Variants in SMOC2 observed in about 807,000 individuals in gnomAD.
SMOC2 encodes the protein SPARC-related modular calcium-binding protein 2.
In SMOC2, 39 loss-of-function variants were observed where a neutral mutation model predicts 61.4. The observed-to-expected ratio is 0.64, with a 90% CI of 0.49 to 0.83. The LOEUF is 0.83. Ranked by LOEUF, SMOC2 falls within the 40% of genes least tolerant of loss-of-function variation. SMOC2 has a pLI of 0.00. For synonymous variants in SMOC2, 247 were observed against 239.9 expected (o/e 1.03, Z -0.27); for missense variants, 556 against 592.9 (o/e 0.94, Z 0.65).
chr6:168,651,064 C>G (rs145217759), intron 10 of SMOC2, among the ~76,000 whole-genome samples: 4 of 152,202 alleles, frequency 2.6e-5, no homozygotes, highest in Non-Finnish European at 5.9e-5. Context: ...TGGTGCGGAG[C>G]AGGGCAGGGG....
In SMOC2 at chr6:168,475,226, G is replaced by A. The variant is rs1002959904; in HGVS notation, c.84+33772G>A. Reference sequence around the variant, plus strand: ...GCTCGTTGGCCTCACCCTTGCTTTGGAGAAGCTAAACTTTGAAGTGTGTGG... The same window carrying A: ...GCTCGTTGGCCTCACCCTTGCTTTGAAGAAGCTAAACTTTGAAGTGTGTGG... On this transcript the variant is annotated intron_variant, in intron 1 of 12. Transcript: ENST00000356284. The surrounding 1 kb of genome is among the most constrained non-coding windows in gnomAD (Gnocchi z 4.6). 1.3e-5 allele frequency among the ~76,000 whole-genome samples: 2 copies of A among 152,076 alleles called. No individual in the cohort carries two copies. The highest frequency in any genetic ancestry group is 2.4e-5 in the African/African-American group (1 of 41,428).
chr6:168,601,282 G>A (rs1244911381), intron 8 of SMOC2, among the ~76,000 whole-genome samples: 2 of 152,310 alleles, frequency 1.3e-5, no homozygotes, highest in South Asian at 4.1e-4. Flanking sequence ...ACGCTGGAGC[G>A]TGAGTGCTGC....
At chr6:168,625,667 G>A (rs963991253) in intron 9 of SMOC2, among the ~76,000 whole-genome samples, 10 of 152,132 alleles carry the variant, frequency 6.6e-5, no homozygotes, top group Middle Eastern at 3.2e-3. Flanking sequence ...ACGATTCTTC[G>A]AGGGCGTATA....
intron 12 of SMOC2, chr6:168,664,660 G>A (rs959768186): frequency 1.3e-5 from 6 of 465,130 alleles, no homozygotes; most frequent in South Asian, 9.4e-5. Flanking sequence ...GGCTCCAAAA[G>A]GGGCTTTCGG....
At chr6:168,518,984 C>G (rs999746601) in intron 2 of SMOC2, among the ~76,000 whole-genome samples, 1 of 143,298 alleles carries the variant, frequency 7.0e-6, no homozygotes, top group East Asian at 2.2e-4. Flanking sequence ...TGTATGCATG[C>G]GTGTGTATGC....
intron 1 of SMOC2, among the ~76,000 whole-genome samples, chr6:168,480,388 T>G (rs79229952): frequency 0.065 from 9,819 of 151,952 alleles, 385 homozygotes; most frequent in Non-Finnish European, 0.093. Context: ...GAAAATAATA[T>G]ATGAACAAAA....
chr6:168,584,726 C>T (rs1455819899), intron 7 of SMOC2, among the ~76,000 whole-genome samples: 1 of 152,122 alleles, frequency 6.6e-6, no homozygotes, highest in East Asian at 1.9e-4. Flanking sequence ...ACTAGGAGCA[C>T]TTTTTCAGGC....
chr6:168,510,065 G>C lies in SMOC2; in HGVS notation c.235G>C (p.Ala79Pro). The C allele has an allele frequency of 6.2e-7, 1 of 1,614,086 alleles. No individual in the cohort carries two copies. Among genetic ancestry groups the C allele is most frequent in the Non-Finnish European group, 8.5e-7 (1 of 1,179,946 alleles). The change falls in exon 2 of 13, where the codon GCA (alanine) becomes CCA (proline). Residue 79 changes from alanine (A) to proline (P), a missense_variant. Coordinates refer to ENST00000356284, the MANE Select transcript of SMOC2 (RefSeq NM_001166412.2). Reference sequence around the variant, plus strand: ...GTGCAAAGATCCCCAGCTAGAGATTGCATATCGAGGAAACTGCAAAGGTAA... The same window carrying C: ...GTGCAAAGATCCCCAGCTAGAGATTCCATATCGAGGAAACTGCAAAGGTAA... ...AKCKDPQLEI[A>P]YRGNCKDVSR...
At chr6:168,662,116 G>A (rs559312432) in intron 11 of SMOC2, among the ~76,000 whole-genome samples, 2 of 152,270 alleles carry the variant, frequency 1.3e-5, no homozygotes, top group South Asian at 4.1e-4. Context: ...AGGAATATGG[G>A]ATGAAGGATA....
chr6:168,536,207 C>T (rs907857476), intron 4 of SMOC2, among the ~76,000 whole-genome samples: 6 of 149,648 alleles, frequency 4.0e-5, no homozygotes, highest in Non-Finnish European at 8.9e-5. Flanking sequence ...GGAACACAGG[C>T]CCACAGGGCA....
rs9456150 is a variant in SMOC2, at chr6:168,510,887, T to C, written c.256+801T>C. Among the ~76,000 whole-genome samples the C allele has an allele frequency of 1.4e-3, 216 of 152,328 alleles. 2 individuals carry two copies. The highest frequency in any genetic ancestry group is 4.8e-3 in the African/African-American group (200 of 41,572). On this transcript the variant is annotated intron_variant, in intron 2 of 12. Coordinates refer to ENST00000356284, the MANE Select transcript of SMOC2 (RefSeq NM_001166412.2). ...CGACGAAGGCAGAATTTTGCCTTGT[T>C]CTTTAGGCCTGAGAGTTCTTCCTAC...
Position 168,553,596 on chromosome 6 carries a change from C to G in SMOC2, c.637+4393C>G, listed in dbSNP as rs978665366. ...ACATCTTCACAAAATAACAAACACT[C>G]TTCATGAATTACCAACACCAAGGTG... is the stretch of plus-strand genomic sequence containing the variant. On this transcript the variant is annotated intron_variant, in intron 7 of 12. Transcript: ENST00000356284. This position sits in a 1 kb window ranked among gnomAD's most constrained non-coding sequence, Gnocchi z 4.2. Among the ~76,000 whole-genome samples, 3 of 152,210 alleles carry G rather than the reference C, an allele frequency of 2.0e-5. No individual in the cohort carries two copies. Among genetic ancestry groups the G allele is most frequent in the African/African-American group, 7.2e-5 (3 of 41,458 alleles).
At chr6:168,607,081 C>T (rs1240957390) in intron 8 of SMOC2, among the ~76,000 whole-genome samples, 1 of 151,998 alleles carries the variant, frequency 6.6e-6, no homozygotes, top group East Asian at 1.9e-4. Context: ...TCCCATCTCC[C>T]GGGAACGCAC....
chr6:168,443,400 G>A lies in SMOC2; in HGVS notation c.84+1946G>A, dbSNP rs993823842. Among the ~76,000 whole-genome samples the A allele has an allele frequency of 3.3e-5, 5 of 152,144 alleles. No individual in the cohort carries two copies. The East Asian group carries it at 5.8e-4, about 18-fold the overall frequency. On this transcript the variant is annotated intron_variant, in intron 1 of 12. Coordinates refer to ENST00000356284, the MANE Select transcript of SMOC2 (RefSeq NM_001166412.2). ...GATGTCTTGGGTTGCGGTGAGACCCGCTGCATGTGGGGTCTCTGTGCAGGA... is the reference window on the plus strand; with the variant it reads ...GATGTCTTGGGTTGCGGTGAGACCCACTGCATGTGGGGTCTCTGTGCAGGA...
chr6:168,601,497 AT>A (rs916405983), intron 8 of SMOC2, among the ~76,000 whole-genome samples: 1 of 152,178 alleles, frequency 6.6e-6, no homozygotes, highest in African/African-American at 2.4e-5. Flanking sequence ...TGGTATGAGA[AT>A]TATTATTTTT....
chr6:168,534,828 A>G (rs1486865152), intron 4 of SMOC2, among the ~76,000 whole-genome samples: 3 of 152,162 alleles, frequency 2.0e-5, no homozygotes, highest in Non-Finnish European at 4.4e-5. Context: ...CTCATCTACA[A>G]GTGACTTTTC....
At chr6:168,636,878 G>C (rs7741740) in intron 9 of SMOC2, among the ~76,000 whole-genome samples, 98 of 49,036 alleles carry the variant, frequency 2.0e-3, no homozygotes, top group African/African-American at 3.4e-3. Flanking sequence ...CCCTCCTCCC[G>C]CCTCCCTCCT....
chr6:168,583,176 T>G (rs1467174644), intron 7 of SMOC2, among the ~76,000 whole-genome samples: 1 of 152,216 alleles, frequency 6.6e-6, no homozygotes, highest in East Asian at 1.9e-4. Flanking sequence ...GGAAAAAAAC[T>G]AAATAACCTG....
chr6:168,533,029 A>G (rs979415182), intron 4 of SMOC2, among the ~76,000 whole-genome samples: 2 of 145,296 alleles, frequency 1.4e-5, no homozygotes, highest in Admixed American at 7.0e-5. Context: ...TTTAATTACT[A>G]AAGTCTGTGT....
Sources: gnomAD v4.1 joint callset for allele counts (sites outside exome capture counted in the v4.1 genomes callset) on GRCh38, gnomAD v4.1.1 for gene constraint, Gnocchi (gnomAD v3.1) non-coding constraint, MANE v1.5 for transcripts, NCBI Gene and HGNC (gene_info 2026-07-23, HGNC 2026-07-21) for gene names.